The following BTD variants were observed in gnomAD, a reference collection of about 807,000 sequenced individuals.
BTD encodes the protein biotinidase.
BTD carries 13 observed loss-of-function variants against 17.7 expected under a neutral mutation model. That is an observed-to-expected ratio of 0.74 (90% CI 0.48 to 1.17). The LOEUF (loss-of-function observed/expected upper bound fraction) is 1.17, where lower values mean the gene tolerates loss of function less well. BTD is among the 50% of genes most tolerant of loss of function. The pLI, the probability that BTD is intolerant of heterozygous loss-of-function variation, is 0.00. For missense variants in BTD, 674 were observed against 650.4 expected (o/e 1.04, Z -0.39); for synonymous variants, 240 against 245.2 (o/e 0.98, Z 0.20).
At chr3:15,672,204 A>G (rs927812346) in intron 3 of BTD, among the ~76,000 whole-genome samples, 3 of 149,230 alleles carry the variant, frequency 2.0e-5, no homozygotes, top group African/African-American at 5.0e-5. Context: ...GGAGTGCAGT[A>G]TAATGATCAT....
In BTD at chr3:15,691,838, G is replaced by T. The variant is rs111790122; in HGVS notation, c.400-18222G>T. On this transcript the variant is annotated intron_variant, in intron 3 of 3. Transcript: ENST00000672141. ...TTAAATATAAAAGACAATATAAAAA[G>T]AAGAGTTTAGCCAGTTGTGGTGGCT... Among the ~76,000 whole-genome samples, 546 of 152,214 alleles carry T rather than the reference G, an allele frequency of 3.6e-3. 7 individuals are homozygous for T. Among genetic ancestry groups the T allele is most frequent in the African/African-American group, 0.013 (527 of 41,542 alleles).
intron 3 of BTD, among the ~76,000 whole-genome samples, chr3:15,687,802 T>A (rs2068315005): frequency 6.6e-6 from 1 of 152,188 alleles, no homozygotes; most frequent in Non-Finnish European, 1.5e-5. Flanking sequence ...GAAGAACTTG[T>A]TTGGCCCATC....
At chr3:15,637,864 G>A (rs2065392888) in intron 2 of BTD, among the ~76,000 whole-genome samples, 1 of 152,184 alleles carries the variant, frequency 6.6e-6, no homozygotes, top group African/African-American at 2.4e-5. Context: ...TCTGCCCCCA[G>A]AGGAAACACT....
intron 1 of BTD, among the ~76,000 whole-genome samples, chr3:15,613,998 T>G (rs189713135): frequency 6.6e-6 from 1 of 152,178 alleles, no homozygotes; most frequent in Admixed American, 6.5e-5. Flanking sequence ...GTGTATAGAT[T>G]TCTTTTTGGT....
At chr3:15,658,898 T>G (rs936152493) in intron 3 of BTD, among the ~76,000 whole-genome samples, 11 of 152,324 alleles carry the variant, frequency 7.2e-5, no homozygotes, top group Non-Finnish European at 1.5e-4. Context: ...TCAGGAAGGT[T>G]ATGTAACTTG....
chr3:15,673,455 C>T lies in BTD; in HGVS notation c.399+31398C>T, dbSNP rs191795660. ...AGAATATATCAGTGAATGCAACTGACAAAGATTTCACTGTTCTTGTGGAGC... is the reference window on the plus strand; with the variant it reads ...AGAATATATCAGTGAATGCAACTGATAAAGATTTCACTGTTCTTGTGGAGC... On this transcript the variant is annotated intron_variant, in intron 3 of 3. Transcript: ENST00000672141. Among the ~76,000 whole-genome samples the T allele has an allele frequency of 2.0e-5, 3 of 152,288 alleles. No homozygotes were observed. In the East Asian group the frequency reaches 5.8e-4, roughly 29 times the overall value.
In BTD at chr3:15,721,149, C is replaced by A. The variant is rs773799475; in HGVS notation, c.1016-621C>A. The A allele has an allele frequency of 4.4e-6, 7 of 1,586,640 alleles. No homozygotes were observed. The East Asian group carries it at 9.0e-5, about 20-fold the overall frequency. On this transcript the variant is annotated intron_variant, in intron 4 of 4. Coordinates refer to the BTD transcript ENST00000672427. ...TCATCTATTAGAAGGGAAAAAAATG[C>A]GAATGTTAAAGTAGTTTTGCTAATT...
chr3:15,641,945 A>G lies in BTD; in HGVS notation c.287A>G (p.His96Arg). Residue 96 changes from histidine to arginine, a missense_variant, in exon 3 of 4, where the codon CAT (histidine) becomes CGT (arginine). Transcript: ENST00000643237. ...ATAGTGTTTCCAGAAGATGGCATTCATGGATTCAACTTTACAAGAACATCC... is the reference window on the plus strand; with the variant it reads ...ATAGTGTTTCCAGAAGATGGCATTCGTGGATTCAACTTTACAAGAACATCC... ...QIIVFPEDGI[H>R]GFNFTRTSIY... is the part of the protein sequence containing the mutation. The G allele has an allele frequency of 6.2e-7, 1 of 1,613,884 alleles. No individual in the cohort carries two copies. The highest frequency in any genetic ancestry group is 8.5e-7 in the Non-Finnish European group (1 of 1,179,880).
rs2065749489 is a variant in BTD, at chr3:15,648,750, A to G, written c.*3262A>G. ...TTGGAAATAGGGTCTTTGCAGATGCAATGAAGATATAAGTTAAAATGAGAT... is the reference window on the plus strand; with the variant it reads ...TTGGAAATAGGGTCTTTGCAGATGCGATGAAGATATAAGTTAAAATGAGAT... On this transcript the variant is annotated 3_prime_UTR_variant, in exon 4 of 4. Coordinates refer to ENST00000643237, the MANE Select transcript of BTD (RefSeq NM_001370658.1). Among the ~76,000 whole-genome samples the G allele has an allele frequency of 6.6e-6, 1 of 152,194 alleles. No individual in the cohort carries two copies.
chr3:15,658,167 TAAA>T (rs72190740), downstream of BTD, among the ~76,000 whole-genome samples: 3 of 130,140 alleles, frequency 2.3e-5, no homozygotes, highest in Non-Finnish European at 3.3e-5. Flanking sequence ...AGACTCCATC[TAAA>T]AAAAAAAAAA....
intron 1 of BTD, among the ~76,000 whole-genome samples, chr3:15,633,884 G>A (rs1283397267): frequency 6.6e-6 from 1 of 152,178 alleles, no homozygotes; most frequent in Non-Finnish European, 1.5e-5. Context: ...AGATAAGAAA[G>A]CTTATCAATT....
intron 1 of BTD, chr3:15,602,244 C>T: frequency 1.5e-6 from 2 of 1,290,334 alleles, no homozygotes; most frequent in Non-Finnish European, 9.9e-7. Flanking sequence ...TGCCTGAGAT[C>T]CTGAATCCTG....
At chr3:15,703,473 C>T (rs78816655) in intron 3 of BTD, among the ~76,000 whole-genome samples, 1,906 of 152,268 alleles carry the variant, frequency 0.013, 24 homozygotes, top group Non-Finnish European at 0.017. Flanking sequence ...GGATTAGTGT[C>T]CTTATAAATA....
intron 3 of BTD, chr3:15,642,307 A>G (rs2065533593): frequency 3.6e-6 from 5 of 1,389,854 alleles, no homozygotes; most frequent in Non-Finnish European, 3.8e-6. Context: ...TGTATACTTA[A>G]ACCAAACCAA....
chr3:15,645,823 G>C lies in BTD; in HGVS notation c.*335G>C. 4.8e-6 allele frequency: 1 copy of C among 206,572 alleles called. No homozygotes were observed. The highest frequency in any genetic ancestry group is 9.7e-6 in the Non-Finnish European group (1 of 103,546). 12.8% of individuals were successfully genotyped at this position (206,572 alleles called of 1,614,324 possible). On this transcript the variant is annotated 3_prime_UTR_variant, in exon 4 of 4. Transcript: ENST00000643237. ...AGTTTATATTTTACACATCCACAAA[G>C]CAGTGGCTTGGGGTTTTTTTTTTTT...
At chr3:15,623,697 GT>G in intron 1 of BTD, among the ~76,000 whole-genome samples, 1 of 152,282 alleles carries the variant, frequency 6.6e-6, no homozygotes, top group African/African-American at 2.4e-5. Context: ...GTTTCTAACA[GT>G]TTAGCACCAT....
chr3:15,603,752 C>G (rs951141189), intron 1 of BTD, among the ~76,000 whole-genome samples: 6 of 152,162 alleles, frequency 3.9e-5, no homozygotes, highest in Non-Finnish European at 7.4e-5. Flanking sequence ...GGTAAATATA[C>G]CCGTTCCAAA....
At chr3:15,658,332 C>T (rs1284607473), downstream of BTD, among the ~76,000 whole-genome samples, 2 of 152,162 alleles carry the variant, frequency 1.3e-5, no homozygotes, top group Non-Finnish European at 2.9e-5. Flanking sequence ...TGTTTCAGCC[C>T]CCTGATGGCT....
intron 1 of BTD, among the ~76,000 whole-genome samples, chr3:15,634,120 C>T (rs1021889145): frequency 6.6e-6 from 1 of 152,284 alleles, no homozygotes; most frequent in Non-Finnish European, 1.5e-5. Context: ...CCAAGATGAG[C>T]ATTTCTAGTT....
Sources: gnomAD v4.1 joint callset for allele counts (sites outside exome capture counted in the v4.1 genomes callset) on GRCh38, gnomAD v4.1.1 for gene constraint, MANE v1.5 for transcripts, NCBI Gene and HGNC (gene_info 2026-07-23, HGNC 2026-07-21) for gene names.